The following CLASP2 variants were observed in gnomAD, a reference collection of about 807,000 sequenced individuals.
CLASP2 encodes the protein cytoplasmic linker associated protein 2.
A neutral mutation model predicts 194.4 loss-of-function variants in CLASP2; 47 were observed. That is an observed-to-expected ratio of 0.24 (90% CI 0.19 to 0.31). The LOEUF (loss-of-function observed/expected upper bound fraction) is 0.31. Ranked by LOEUF, CLASP2 falls within the 10% of genes least tolerant of loss-of-function variation. The pLI is 1.00. For missense variants in CLASP2, 1,445 were observed against 1,823.6 expected (o/e 0.79, Z 3.78); for synonymous variants, 619 against 633.5 (o/e 0.98, Z 0.34).
intron 27 of CLASP2, among the ~76,000 whole-genome samples, chr3:33,564,482 G>C (rs533290457): frequency 6.6e-6 from 1 of 152,140 alleles, no homozygotes; most frequent in Non-Finnish European, 1.5e-5. Context: ...AGACTTCTCT[G>C]AGTTTCCTAA....
chr3:33,603,204 G>T, intron 17 of CLASP2, 79 bp from the exon 18 acceptor site: 1 of 1,381,076 alleles, frequency 7.2e-7, no homozygotes, highest in Non-Finnish European at 9.7e-7. Flanking sequence ...TGACCACCAT[G>T]AGCTAATCTG....
intron 32 of CLASP2, 45 bp downstream of exon 32, chr3:33,543,388 G>C (rs767260440): frequency 7.8e-7 from 1 of 1,278,880 alleles, no homozygotes; most frequent in South Asian, 1.2e-5. Context: ...GAAAGAATGG[G>C]AATTTACAAA....
At chr3:33,619,055 T>G (rs115935590) in intron 12 of CLASP2, among the ~76,000 whole-genome samples, 109 of 152,340 alleles carry the variant, frequency 7.2e-4, no homozygotes, top group African/African-American at 2.5e-3. Context: ...GTAGCTGAAT[T>G]ACTGTACTGA....
At chr3:33,506,036 G>A (rs1378435042) in intron 37 of CLASP2, among the ~76,000 whole-genome samples, 2 of 152,044 alleles carry the variant, frequency 1.3e-5, no homozygotes, top group Non-Finnish European at 2.9e-5. Context: ...TGTCCTGAAA[G>A]TGTAAACTTC....
At chr3:33,623,037 G>C (rs903612232) in intron 10 of CLASP2, among the ~76,000 whole-genome samples, 1 of 152,094 alleles carries the variant, frequency 6.6e-6, no homozygotes, top group African/African-American at 2.4e-5. Context: ...TCAAACTCCT[G>C]GCTTCAACGG....
Position 33,581,823 on chromosome 3 carries a change from A to T in CLASP2, c.2345T>A (p.Leu782His), listed in dbSNP as rs755535036. 7 of 1,611,348 alleles carry T rather than the reference A, an allele frequency of 4.3e-6. No individual in the cohort carries two copies. In the South Asian group the frequency reaches 7.7e-5, roughly 18 times the overall value. Residue 782 changes from leucine to histidine, a missense_variant and splice_region_variant, in exon 23 of 39, where the codon CTC becomes CAC. This residue lies in a region of CLASP2 where 732 missense variants were observed against 987.9 expected (regional missense o/e 0.74). Transcript: ENST00000682230. ...DTSPVRSFQPLGPGYGISQSS... is the reference protein window; with the variant it reads ...DTSPVRSFQPHGPGYGISQSS... ...ATAACACCTGCCCGAATACGTACCG[A>T]GGGGCTGAAAAGAGCGAACAGGACT...
intron 6 of CLASP2, among the ~76,000 whole-genome samples, chr3:33,667,807 G>A (rs1306866663): frequency 6.6e-6 from 1 of 152,116 alleles, no homozygotes; most frequent in Non-Finnish European, 1.5e-5. Flanking sequence ...CCAAAAATAT[G>A]AGTTTATTTC....
intron 2 of CLASP2, among the ~76,000 whole-genome samples, chr3:33,695,022 C>A (rs1231280593): frequency 6.8e-6 from 1 of 148,138 alleles, no homozygotes; most frequent in Non-Finnish European, 1.5e-5. Context: ...AAAACATAAA[C>A]AAGTAAAATA....
rs77213021 is a variant in CLASP2, at chr3:33,560,867, C to T, written c.2871G>A (p.Met957Ile). 3.1e-6 allele frequency: 5 copies of T among 1,613,760 alleles called. No homozygotes were observed. The Admixed American group carries it at 5.0e-5, about 16-fold the overall frequency. The change falls in exon 28 of 39, where the codon ATG (methionine) becomes ATA (isoleucine). Residue 957 changes from methionine (M) to isoleucine (I), a missense_variant. Met to Ile is a conservative substitution (Grantham distance 10). This residue lies in a region of CLASP2 where 732 missense variants were observed against 987.9 expected (regional missense o/e 0.74). Coordinates refer to ENST00000682230, the MANE Select transcript of CLASP2 (RefSeq NM_001365631.1). ...FVLLTQLLKK[M>I]GADLLGSVQA... The stretch of plus-strand genomic sequence containing the variant: ...GAACAGATCCAAGCAAATCAGCACC[C>T]ATTTTTTTTAGTAGTTGTGTCAGCA...
chr3:33,681,342 T>C (rs1267621351), intron 6 of CLASP2, among the ~76,000 whole-genome samples: 1 of 152,148 alleles, frequency 6.6e-6, no homozygotes, highest in Non-Finnish European at 1.5e-5. Context: ...GAGACAATCT[T>C]ATTACCAGCA....
chr3:33,624,925 T>C (rs951163224), intron 10 of CLASP2, among the ~76,000 whole-genome samples: 3 of 151,962 alleles, frequency 2.0e-5, no homozygotes, highest in Non-Finnish European at 2.9e-5. Context: ...TTTTTAAAAT[T>C]GAAAAGAAAA....
chr3:33,527,193 G>T (rs1444172151), intron 34 of CLASP2, among the ~76,000 whole-genome samples: 1 of 151,958 alleles, frequency 6.6e-6, no homozygotes, highest in Non-Finnish European at 1.5e-5. Context: ...AGTTGTTTTT[G>T]AAAAAATTAA....
At chr3:33,532,248 C>A (rs924815901) in intron 34 of CLASP2, among the ~76,000 whole-genome samples, 2 of 152,196 alleles carry the variant, frequency 1.3e-5, no homozygotes, top group Non-Finnish European at 2.9e-5. Flanking sequence ...GAGGATACCA[C>A]GCTAAATGAA....
At chr3:33,701,512 C>T (rs887682272) in intron 1 of CLASP2, among the ~76,000 whole-genome samples, 3 of 152,196 alleles carry the variant, frequency 2.0e-5, no homozygotes, top group Admixed American at 2.0e-4. Context: ...AGGAGGATTG[C>T]TTGAGCCCAA....
At chr3:33,574,853 A>G (rs1184649102) in intron 24 of CLASP2, among the ~76,000 whole-genome samples, 3 of 152,132 alleles carry the variant, frequency 2.0e-5, no homozygotes, top group Non-Finnish European at 4.4e-5. Flanking sequence ...AAAAATTGGT[A>G]GTTGTAAGTG....
chr3:33,622,092 A>C, intron 11 of CLASP2, 43 bp downstream of exon 11: 2 of 1,389,888 alleles, frequency 1.4e-6, no homozygotes, highest in Non-Finnish European at 1.9e-6. Flanking sequence ...TGAATACTAA[A>C]TTCATTCATA....
intron 29 of CLASP2, among the ~76,000 whole-genome samples, chr3:33,551,962 AAC>A (rs1205532065): frequency 2.1e-4 from 31 of 151,218 alleles, no homozygotes; most frequent in African/African-American, 6.8e-4. Context: ...TTTTTGGTAA[AAC>A]ACAGACTCAC....
intron 7 of CLASP2, chr3:33,645,192 T>C: frequency 1.3e-6 from 1 of 757,520 alleles, no homozygotes; most frequent in Non-Finnish European, 2.4e-6. Flanking sequence ...TTTCATGTTT[T>C]TGCTACTCTG....
intron 31 of CLASP2, among the ~76,000 whole-genome samples, chr3:33,544,265 A>G (rs1299032896): frequency 6.6e-6 from 1 of 152,200 alleles, no homozygotes; most frequent in Admixed American, 6.5e-5. Flanking sequence ...TGGACTGACA[A>G]GCCTGTGATC....
Sources: allele counts gnomAD v4.1 joint callset (sites outside exome capture counted in the v4.1 genomes callset), GRCh38; gene constraint gnomAD v4.1.1; regional missense constraint gnomAD v4.1.1; transcripts MANE v1.5; gene names NCBI Gene and HGNC (gene_info 2026-07-23, HGNC 2026-07-21).